The following DAB1 variants were observed in gnomAD, a reference collection of about 807,000 sequenced individuals.
The protein encoded by DAB1 is disabled homolog 1.
DAB1 carries 15 observed loss-of-function variants against 64.6 expected under a neutral mutation model. That is an observed-to-expected ratio of 0.23 (90% CI 0.16 to 0.36). The LOEUF is 0.36. Ranked by LOEUF, DAB1 falls within the 10% of genes least tolerant of loss-of-function variation. The pLI is 1.00. For missense variants in DAB1, 596 were observed against 706.7 expected (o/e 0.84, Z 1.78); for synonymous variants, 235 against 251.9 (o/e 0.93, Z 0.64).
At chr1:57,669,232 T>A (rs1188403749) in intron 6 of DAB1, among the ~76,000 whole-genome samples, 1 of 151,522 alleles carries the variant, frequency 6.6e-6, no homozygotes, top group African/African-American at 2.4e-5. Context: ...GAAGAGAGAG[T>A]TTTTTTACTG....
At chr1:57,316,800 G>T (rs1345033735) in intron 1 of DAB1, among the ~76,000 whole-genome samples, 2 of 152,188 alleles carry the variant, frequency 1.3e-5, no homozygotes, top group Admixed American at 6.5e-5. Flanking sequence ...CTACATAAGG[G>T]CATAGACATT....
At chr1:57,743,677 C>T (rs554002299) in intron 6 of DAB1, among the ~76,000 whole-genome samples, 1 of 152,146 alleles carries the variant, frequency 6.6e-6, no homozygotes, top group Non-Finnish European at 1.5e-5. Flanking sequence ...CCTGACTCTG[C>T]CGAGAGCAGC....
chr1:57,588,038 G>A (rs1308082029), intron 7 of DAB1, among the ~76,000 whole-genome samples: 12 of 152,164 alleles, frequency 7.9e-5, no homozygotes, highest in Non-Finnish European at 1.0e-4. Context: ...GTCTTTCTCT[G>A]TCCCTCTCCC....
At chr1:57,749,868 G>C (rs1648474493) in intron 6 of DAB1, among the ~76,000 whole-genome samples, 1 of 152,172 alleles carries the variant, frequency 6.6e-6, no homozygotes, top group African/African-American at 2.4e-5. Flanking sequence ...CAGTTGACCA[G>C]CAGAGCTTTT....
rs528846964 is a variant in DAB1 at position 57,383,024 on chromosome 1, G to C, written c.-137+40906C>G. Among the ~76,000 whole-genome samples the C allele has an allele frequency of 1.3e-3, 202 of 152,066 alleles. 1 individual carries two copies. Among genetic ancestry groups the C allele is most frequent in the Non-Finnish European group, 2.7e-3 (181 of 67,988 alleles). ...CAGCAAGTATACAGAAAGTTAGAAG[G>C]TATGAGTCCTATGAAAAAAATAAAA... On this transcript the variant is annotated intron_variant, in intron 1 of 14. Coordinates refer to ENST00000371236, the MANE Select transcript of DAB1 (RefSeq NM_001365792.1).
intron 7 of DAB1, among the ~76,000 whole-genome samples, chr1:57,437,585 TA>T (rs1685743008): frequency 6.6e-6 from 1 of 152,222 alleles, no homozygotes; most frequent in African/African-American, 2.4e-5. Flanking sequence ...ATGGTTACCA[TA>T]AGCAATTTGA....
intron 7 of DAB1, among the ~76,000 whole-genome samples, chr1:57,481,065 A>G (rs1005802778): frequency 3.3e-5 from 5 of 152,194 alleles, no homozygotes; most frequent in African/African-American, 1.2e-4. Flanking sequence ...CTCACTACAC[A>G]CAGTAGTCCA....
intron 4 of DAB1, among the ~76,000 whole-genome samples, chr1:58,260,270 C>T (rs754032888): frequency 2.0e-5 from 3 of 152,126 alleles, no homozygotes; most frequent in Non-Finnish European, 2.9e-5. Flanking sequence ...CTTTACACAA[C>T]GTCATACATC....
At chr1:57,361,890 C>T (rs1372751162) in intron 1 of DAB1, among the ~76,000 whole-genome samples, 7 of 152,052 alleles carry the variant, frequency 4.6e-5, no homozygotes, top group Admixed American at 6.6e-5. Context: ...GGAAGACAAA[C>T]AGGTAATGAT....
intron 5 of DAB1, among the ~76,000 whole-genome samples, chr1:57,920,287 A>G (rs1403637667): frequency 1.3e-5 from 2 of 152,062 alleles, no homozygotes; most frequent in Non-Finnish European, 2.9e-5. Context: ...TCTGTAAGAG[A>G]GACAGCATCT....
At chr1:58,367,424 C>T (rs894587767) in intron 3 of DAB1, among the ~76,000 whole-genome samples, 1 of 152,200 alleles carries the variant, frequency 6.6e-6, no homozygotes, top group African/African-American at 2.4e-5. Context: ...TGCCAATAAA[C>T]TCATAAATCA....
intron 6 of DAB1, among the ~76,000 whole-genome samples, chr1:57,813,348 C>G (rs1651714273): frequency 6.6e-6 from 1 of 152,192 alleles, no homozygotes. Context: ...ATGTGTCTTA[C>G]TCCTCCTGAG....
chr1:58,507,412 TAACA>T lies in DAB1; in HGVS notation n.108-1207_108-1204del, dbSNP rs1646006213. 3.9e-5 allele frequency among the ~76,000 whole-genome samples: 6 copies of T among 152,076 alleles called. No homozygotes were observed. In the South Asian group the frequency reaches 1.2e-3, roughly 32 times the overall value. ...TCAACAACCATGCTACATCATTTCT[TAACA>T]AATACCATTAAAGCATTTCCAAATG... On this transcript the variant is annotated intron_variant and non_coding_transcript_variant, in intron 2 of 20. Transcript: ENST00000485760.
At chr1:57,952,293 T>C (rs1450238341) in intron 5 of DAB1, among the ~76,000 whole-genome samples, 1 of 152,102 alleles carries the variant, frequency 6.6e-6, no homozygotes, top group African/African-American at 2.4e-5. Context: ...TCTTTGCTCA[T>C]AAAGACAATG....
intron 6 of DAB1, among the ~76,000 whole-genome samples, chr1:57,672,127 C>T (rs1306638327): frequency 6.6e-6 from 1 of 152,074 alleles, no homozygotes; most frequent in East Asian, 1.9e-4. Flanking sequence ...GTAAATTGCT[C>T]ATGGTGTCAT....
chr1:57,430,974 C>T (rs35843773), intron 7 of DAB1, among the ~76,000 whole-genome samples: 4,875 of 150,704 alleles, frequency 0.032, 82 homozygotes, highest in South Asian at 0.05. Flanking sequence ...AATCATGTTA[C>T]ACTGAGATGA....
chr1:57,547,667 A>C (rs964447608), intron 7 of DAB1, among the ~76,000 whole-genome samples: 5 of 152,230 alleles, frequency 3.3e-5, no homozygotes, highest in Non-Finnish European at 5.9e-5. Context: ...TAAAAATATA[A>C]GGAAATAAAT....
intron 7 of DAB1, among the ~76,000 whole-genome samples, chr1:57,637,023 T>A (rs779086990): frequency 1.1e-4 from 17 of 152,202 alleles, no homozygotes; most frequent in Admixed American, 6.5e-4. Context: ...ATTGGGGTCT[T>A]TGCGTATTCT....
At chr1:57,757,220 T>TTTTTTTTTTTTTTTG (rs200688727) in intron 6 of DAB1, among the ~76,000 whole-genome samples, 5,613 of 119,064 alleles carry the variant, frequency 0.047, 821 homozygotes, top group Non-Finnish European at 0.076. Flanking sequence ...TTTTTTTTTT[T>TTTTTTTTTTTTTTTG]AGCAGCAATG....
Sources: gnomAD v4.1 joint callset for allele counts (sites outside exome capture counted in the v4.1 genomes callset) on GRCh38, gnomAD v4.1.1 for gene constraint, MANE v1.5 for transcripts, NCBI Gene and HGNC (gene_info 2026-07-23, HGNC 2026-07-21) for gene names.